Variants in ITIH5 observed in about 807,000 individuals in gnomAD.
The protein encoded by ITIH5 is inter-alpha-trypsin inhibitor heavy chain 5.
In ITIH5, 65 loss-of-function variants were observed where a neutral mutation model predicts 77.5. The observed-to-expected ratio is 0.84, with a 90% CI of 0.69 to 1.03. The LOEUF (loss-of-function observed/expected upper bound fraction) is 1.03, where lower values mean the gene tolerates loss of function less well. Ranked by LOEUF, ITIH5 falls within the 50% of genes least tolerant of loss-of-function variation. The probability of loss-of-function intolerance (pLI) is 0.00; values close to 1 mark genes in which losing one functional copy is unlikely to be tolerated. For missense variants in ITIH5, 1,208 were observed against 1,213.1 expected (o/e 1.00, Z 0.06); for synonymous variants, 525 against 494.3 (o/e 1.06, Z -0.82).
At chr10:7,586,259 C>T (rs576895061) in intron 7 of ITIH5, among the ~76,000 whole-genome samples, 190 bp from the exon 8 acceptor site, 3 of 152,034 alleles carry the variant, frequency 2.0e-5, no homozygotes, top group South Asian at 2.1e-4. Flanking sequence ...AAAGATGTTA[C>T]GGTTGTAGAC....
intron 7 of ITIH5, among the ~76,000 whole-genome samples, chr10:7,615,766 T>C (rs1323476384): frequency 2.0e-5 from 3 of 152,244 alleles, no homozygotes; most frequent in Admixed American, 6.5e-5. Flanking sequence ...TCAAGGGGTT[T>C]CTACAGCACG....
Position 7,655,663 on chromosome 10 carries a change from C to G in ITIH5, c.103G>C (p.Val35Leu). The G allele has an allele frequency of 6.2e-7, 1 of 1,612,336 alleles. No individual in the cohort carries two copies. The highest frequency in any genetic ancestry group is 8.5e-7 in the Non-Finnish European group (1 of 1,178,536). ...TGCAACAGTCTGACTTGCCTCGGGA[C>G]CCTGAGTCCATCCTAGAAAAGAGAA... The part of the protein sequence containing the change: ...GHSSEQDGLR[V>L]PRQVRLLQRL... Residue 35 changes from valine (V) to leucine (L), a missense_variant, in exon 2 of 14, where the codon GTC becomes CTC. Val to Leu is a conservative substitution (Grantham distance 32). Coordinates refer to ENST00000397146, the MANE Select transcript of ITIH5 (RefSeq NM_030569.7).
At chr10:7,604,181 A>G (rs1331879280) in intron 7 of ITIH5, among the ~76,000 whole-genome samples, 1 of 152,156 alleles carries the variant, frequency 6.6e-6, no homozygotes, top group Non-Finnish European at 1.5e-5. Flanking sequence ...TCCCATGGTT[A>G]TAAGGGAAGT....
chr10:7,582,445 C>T (rs890050360), intron 8 of ITIH5, among the ~76,000 whole-genome samples: 1 of 79,068 alleles, frequency 1.3e-5, no homozygotes, highest in Non-Finnish European at 2.8e-5. Context: ...GTGTGAACAC[C>T]TATTTCCTTT....
At chr10:7,641,457 G>T (rs1555962) in intron 3 of ITIH5, among the ~76,000 whole-genome samples, 110,159 of 151,432 alleles carry the variant, frequency 0.73, 40,825 homozygotes, top group African/African-American at 0.88. Flanking sequence ...AGCACTGTGA[G>T]GCTGTCTTTC....
chr10:7,628,456 T>C (rs1456588418), intron 5 of ITIH5, among the ~76,000 whole-genome samples: 2 of 152,280 alleles, frequency 1.3e-5, no homozygotes, highest in Non-Finnish European at 2.9e-5. Flanking sequence ...GTCCGTGTTG[T>C]GGCCTGTATC....
chr10:7,662,790 C>T (rs1834297961), intron 1 of ITIH5, among the ~76,000 whole-genome samples: 1 of 152,166 alleles, frequency 6.6e-6, no homozygotes, highest in African/African-American at 2.4e-5. Flanking sequence ...AAACTCATTT[C>T]AACAATCCAG....
At chr10:7,566,733 AAAAAAAAAG>A (rs1325847516) in intron 12 of ITIH5, among the ~76,000 whole-genome samples, 2 of 36,618 alleles carry the variant, frequency 5.5e-5, no homozygotes, top group Non-Finnish European at 1.2e-4. Context: ...TTAAAAAAAA[AAAAAAAAAG>A]AAGAAGAAGA....
At position 7,585,902 on chromosome 10, in the gene ITIH5, T is replaced by A. The variant is rs1832666951; in HGVS notation, c.1107A>T (p.Gly369=). The A allele has an allele frequency of 6.3e-7, 1 of 1,598,804 alleles. No individual in the cohort carries two copies. Among genetic ancestry groups the A allele is most frequent in the African/African-American group, 1.3e-5 (1 of 74,148 alleles). The change falls in exon 8 of 14, where the codon GGA becomes GGT. Residue 369 remains glycine (G), a splice_region_variant and synonymous_variant. Transcript: ENST00000397146. ...KVYIHHMSPT[G]GTDINGALQR... Reference sequence around the variant, plus strand: ...GTGAAAAGAAGGTGTCATCTTTACCTCCAGTGGGTGACATATGGTGAATGT... The same window carrying A: ...GTGAAAAGAAGGTGTCATCTTTACCACCAGTGGGTGACATATGGTGAATGT...
intron 1 of ITIH5, among the ~76,000 whole-genome samples, chr10:7,663,580 T>C (rs1166544512): frequency 6.6e-6 from 1 of 152,246 alleles, no homozygotes; most frequent in East Asian, 1.9e-4. Flanking sequence ...ATAGTCATTT[T>C]AGCACCTAAT....
intron 7 of ITIH5, among the ~76,000 whole-genome samples, chr10:7,611,304 A>C (rs1315428939): frequency 1.3e-5 from 2 of 152,248 alleles, no homozygotes; most frequent in Non-Finnish European, 2.9e-5. Context: ...TAATACTCTT[A>C]GCTATTTTGG....
intron 12 of ITIH5, among the ~76,000 whole-genome samples, chr10:7,566,818 G>A (rs1832180159): frequency 1.3e-5 from 1 of 75,618 alleles, no homozygotes; most frequent in Non-Finnish European, 2.3e-5. Flanking sequence ...GGAAGAGGAA[G>A]AGGAAGAGGA....
intron 2 of ITIH5, among the ~76,000 whole-genome samples, chr10:7,649,693 C>T (rs111512203): frequency 5.3e-5 from 8 of 152,132 alleles, no homozygotes; most frequent in Middle Eastern, 3.4e-3. Context: ...TCTAAGAACA[C>T]GGAAGACATG....
intron 7 of ITIH5, among the ~76,000 whole-genome samples, chr10:7,589,966 T>C (rs1832759761): frequency 7.4e-6 from 1 of 134,856 alleles, no homozygotes; most frequent in Non-Finnish European, 1.6e-5. Flanking sequence ...CACAGGGTCC[T>C]TTTCTCAGCT....
At chr10:7,645,183 A>G (rs1833992453) in intron 2 of ITIH5, among the ~76,000 whole-genome samples, 1 of 151,984 alleles carries the variant, frequency 6.6e-6, no homozygotes, top group Non-Finnish European at 1.5e-5. Flanking sequence ...CGTTAGGGGG[A>G]TGTGCATCTT....
intron 5 of ITIH5, among the ~76,000 whole-genome samples, chr10:7,623,422 A>G (rs1833505918): frequency 1.3e-5 from 2 of 152,190 alleles, no homozygotes; most frequent in African/African-American, 2.4e-5. Flanking sequence ...GAGGGTGGCA[A>G]TAAAGATAAA....
intron 13 of ITIH5, among the ~76,000 whole-genome samples, chr10:7,564,867 A>T (rs1376656362): frequency 3.3e-5 from 5 of 150,800 alleles, no homozygotes; most frequent in African/African-American, 4.9e-5. Context: ...ACATACACAG[A>T]CTGTATATGT....
At position 7,575,057 on chromosome 10, in the gene ITIH5, A is replaced by G. The variant is rs377353528; in HGVS notation, c.1978+1396T>C. 1.6e-4 allele frequency among the ~76,000 whole-genome samples: 25 copies of G among 152,314 alleles called. No individual in the cohort carries two copies. In the East Asian group the frequency reaches 4.6e-3, roughly 28 times the overall value. The stretch of plus-strand genomic sequence containing the variant: ...CAACAAAAATTGTGTACGTTTTGCC[A>G]AGACAAGCTCCACGCTTTCTGAAAT... On this transcript the variant is annotated intron_variant, in intron 10 of 13. Coordinates refer to ENST00000397146, the MANE Select transcript of ITIH5 (RefSeq NM_030569.7).
At chr10:7,572,770 A>ATT (rs1186016949) in intron 11 of ITIH5, 4 of 46,978 alleles carry the variant, frequency 8.5e-5, no homozygotes, top group Admixed American at 3.3e-4. Context: ...TTGGTTTTAC[A>ATT]CTTTTTTTTT....
Sources: allele counts gnomAD v4.1 joint callset (sites outside exome capture counted in the v4.1 genomes callset), GRCh38; gene constraint gnomAD v4.1.1; transcripts MANE v1.5; gene names NCBI Gene and HGNC (gene_info 2026-07-23, HGNC 2026-07-21).